The following PIK3C2G variants were observed in gnomAD, a reference collection of about 807,000 sequenced individuals.
The protein encoded by PIK3C2G is phosphatidylinositol 3-kinase C2 domain-containing subunit gamma.
A neutral mutation model predicts 181.1 loss-of-function variants in PIK3C2G; 168 were observed. The observed-to-expected ratio is 0.93, with a 90% CI of 0.82 to 1.05. PIK3C2G has a LOEUF of 1.05. PIK3C2G is among the 50% of genes least tolerant of loss of function. PIK3C2G has a pLI of 0.00. For synonymous variants in PIK3C2G, 573 were observed against 592.2 expected, an observed-to-expected ratio of 0.97 and a Z score of 0.47; for missense variants, 1,869 against 1,732.8, an observed-to-expected ratio of 1.08 and a Z score of -1.40.
chr12:18,272,066 C>A (rs1948767085), intron 1 of PIK3C2G, among the ~76,000 whole-genome samples: 1 of 152,180 alleles, frequency 6.6e-6, no homozygotes, highest in African/African-American at 2.4e-5. Flanking sequence ...TCTGATATCA[C>A]TTCTGTACTT....
chr12:18,440,608 A>G (rs993872046), intron 18 of PIK3C2G, among the ~76,000 whole-genome samples: 7 of 152,248 alleles, frequency 4.6e-5, no homozygotes, highest in Middle Eastern at 6.8e-3. Context: ...TAGCGTGTGC[A>G]AAGGCATTAA....
chr12:18,431,976 T>C (rs1471826918), intron 18 of PIK3C2G, among the ~76,000 whole-genome samples: 1 of 152,204 alleles, frequency 6.6e-6, no homozygotes, highest in African/African-American at 2.4e-5. Flanking sequence ...TAACAAGGTT[T>C]CCTTTGTACA....
chr12:18,510,476 G>GA (rs1296025338), intron 24 of PIK3C2G, among the ~76,000 whole-genome samples: 4 of 152,094 alleles, frequency 2.6e-5, no homozygotes, highest in Non-Finnish European at 5.9e-5. Flanking sequence ...GAGAAATTGA[G>GA]AAAAACATTT....
intron 29 of PIK3C2G, 27 bp downstream of exon 29, chr12:18,567,084 T>G (rs1003045215): frequency 3.8e-6 from 4 of 1,049,050 alleles, no homozygotes; most frequent in Non-Finnish European, 4.4e-6. Context: ...TTTTCTATTT[T>G]TACATAAAAC....
chr12:18,582,788 A>G (rs369701596), intron 29 of PIK3C2G, among the ~76,000 whole-genome samples: 1 of 151,654 alleles, frequency 6.6e-6, no homozygotes, highest in East Asian at 2.0e-4. Flanking sequence ...AGCCACCCTA[A>G]GAAAAAGCAG....
rs1029879818 is a variant in PIK3C2G at position 18,494,831 on chromosome 12, C to T, written c.2794-1231C>T. The stretch of plus-strand genomic sequence containing the variant: ...CATCCTCACCCATAAAACTATAAAA[C>T]ATCTATTTTTGTTTCTAGATAAAAC... On this transcript the variant is annotated intron_variant, in intron 20 of 32. Coordinates refer to ENST00000538779, the MANE Select transcript of PIK3C2G (RefSeq NM_001288772.2). Among the ~76,000 whole-genome samples, 3 of 152,160 alleles carry T rather than the reference C, an allele frequency of 2.0e-5. No homozygotes were observed. In the East Asian group the frequency reaches 5.8e-4, roughly 29 times the overall value.
intron 11 of PIK3C2G, among the ~76,000 whole-genome samples, chr12:18,359,936 T>G (rs945665482): frequency 1.3e-5 from 2 of 152,148 alleles, no homozygotes; most frequent in African/African-American, 4.8e-5. Context: ...GATAATGTCT[T>G]TTGATTGGGG....
the PIK3C2G span, among the ~76,000 whole-genome samples, chr12:18,723,040 G>A: frequency 6.6e-6 from 1 of 151,814 alleles, no homozygotes. Flanking sequence ...TCACCTCCAA[G>A]CTCATTTCTG....
the PIK3C2G span, among the ~76,000 whole-genome samples, chr12:18,690,646 A>G: frequency 6.6e-6 from 1 of 152,202 alleles, no homozygotes; most frequent in Non-Finnish European, 1.5e-5. Context: ...GTTACGGAAA[A>G]CAGCAAAGCT....
At chr12:18,316,013 A>G (rs533887917) in intron 6 of PIK3C2G, among the ~76,000 whole-genome samples, 2 of 152,168 alleles carry the variant, frequency 1.3e-5, no homozygotes, top group East Asian at 3.9e-4. Flanking sequence ...GTTATATATT[A>G]TATTATGATG....
At chr12:18,392,812 T>G (rs925488767) in intron 15 of PIK3C2G, among the ~76,000 whole-genome samples, 3 of 152,106 alleles carry the variant, frequency 2.0e-5, no homozygotes, top group African/African-American at 7.2e-5. Flanking sequence ...TAACAATGTG[T>G]GTGAATAAAT....
intron 4 of PIK3C2G, among the ~76,000 whole-genome samples, chr12:18,293,332 T>C (rs1280334370): frequency 6.6e-6 from 1 of 152,202 alleles, no homozygotes; most frequent in African/African-American, 2.4e-5. Flanking sequence ...ATTATTTCCA[T>C]GTCTCAGTGA....
intron 18 of PIK3C2G, among the ~76,000 whole-genome samples, chr12:18,440,656 C>A (rs559860324): frequency 6.6e-6 from 1 of 151,966 alleles, no homozygotes; most frequent in East Asian, 1.9e-4. Flanking sequence ...AACAATGGGG[C>A]TAAGGTGGCT....
chr12:18,651,945 C>G (rs532200644), downstream of PIK3C2G, among the ~76,000 whole-genome samples: 3 of 152,220 alleles, frequency 2.0e-5, no homozygotes, highest in African/African-American at 7.2e-5. Context: ...GCAGGGATCT[C>G]TAAGGATTCC....
intron 24 of PIK3C2G, among the ~76,000 whole-genome samples, chr12:18,516,997 ATGT>A (rs977283973): frequency 2.0e-5 from 3 of 147,456 alleles, no homozygotes; most frequent in African/African-American, 7.4e-5. Flanking sequence ...AACTTTGTTG[ATGT>A]TGTTTTTCTT....
intron 30 of PIK3C2G, among the ~76,000 whole-genome samples, chr12:18,608,111 G>T (rs1379506322): frequency 6.6e-6 from 1 of 152,064 alleles, no homozygotes; most frequent in South Asian, 2.1e-4. Flanking sequence ...CTGTTGGTGG[G>T]CTATAAACTG....
the PIK3C2G span, among the ~76,000 whole-genome samples, chr12:18,717,670 G>T: frequency 1.3e-5 from 2 of 151,978 alleles, no homozygotes; most frequent in African/African-American, 4.8e-5. Context: ...TCTCTCTTGG[G>T]CTTCAACATC....
intron 31 of PIK3C2G, among the ~76,000 whole-genome samples, chr12:18,637,415 T>TTA (rs398018656): frequency 1.3e-5 from 2 of 151,170 alleles, no homozygotes; most frequent in African/African-American, 2.4e-5. Context: ...TTTTTTTTTT[T>TTA]ACAAAAAAAT....
intron 18 of PIK3C2G, among the ~76,000 whole-genome samples, chr12:18,447,053 TCA>T (rs1947067955): frequency 6.6e-6 from 1 of 152,210 alleles, no homozygotes; most frequent in South Asian, 2.1e-4. Context: ...CCAAGCTACT[TCA>T]CCTTTGTTCA....
Sources: gnomAD v4.1 joint callset for allele counts (sites outside exome capture counted in the v4.1 genomes callset) on GRCh38, gnomAD v4.1.1 for gene constraint, MANE v1.5 for transcripts, NCBI Gene and HGNC (gene_info 2026-07-23, HGNC 2026-07-21) for gene names.